The following NELL1 variants were observed in gnomAD, a reference collection of about 807,000 sequenced individuals.
NELL1 encodes neural EGFL like 1.
In NELL1, 76 loss-of-function variants were observed where a neutral mutation model predicts 107.4. That is an observed-to-expected ratio of 0.71 (90% CI 0.59 to 0.86). The LOEUF (loss-of-function observed/expected upper bound fraction) is 0.86, where lower values mean the gene tolerates loss of function less well. NELL1 is among the 40% of genes least tolerant of loss of function. The pLI, the probability that NELL1 is intolerant of heterozygous loss-of-function variation, is 0.00. For missense variants in NELL1, 1,024 were observed against 1,005.5 expected (o/e 1.02, Z -0.25); for synonymous variants, 353 against 341.2 (o/e 1.03, Z -0.38).
intron 12 of NELL1, among the ~76,000 whole-genome samples, chr11:21,067,468 G>A (rs940747846): frequency 6.6e-6 from 1 of 152,094 alleles, no homozygotes; most frequent in African/African-American, 2.4e-5. Flanking sequence ...CTCTTCCGAG[G>A]CCTGTATGCT....
At chr11:21,046,197 T>G (rs2134339956) in intron 12 of NELL1, among the ~76,000 whole-genome samples, 1 of 152,272 alleles carries the variant, frequency 6.6e-6, no homozygotes, top group South Asian at 2.1e-4. Context: ...TTTAAATTAT[T>G]TTTGAGATAA....
intron 15 of NELL1, among the ~76,000 whole-genome samples, chr11:21,481,668 G>C (rs1464707760): frequency 1.3e-5 from 2 of 152,168 alleles, no homozygotes; most frequent in East Asian, 1.9e-4. Context: ...CTGATGGCTG[G>C]ACATTGTTGA....
chr11:20,929,425 T>C (rs1312683503), intron 9 of NELL1, among the ~76,000 whole-genome samples: 1 of 151,234 alleles, frequency 6.6e-6, no homozygotes, highest in Non-Finnish European at 1.5e-5. Context: ...AAAAGGAACT[T>C]TGTAATCTTC....
chr11:21,272,648 C>T (rs1293235960), intron 14 of NELL1, among the ~76,000 whole-genome samples: 1 of 152,214 alleles, frequency 6.6e-6, no homozygotes, highest in Non-Finnish European at 1.5e-5. Context: ...CTGGGAGGCA[C>T]CCCCAAGTAG....
intron 12 of NELL1, among the ~76,000 whole-genome samples, chr11:20,966,847 T>C (rs1851396573): frequency 7.2e-6 from 1 of 138,598 alleles, no homozygotes; most frequent in Non-Finnish European, 1.6e-5. Context: ...TGCCGCCCCC[T>C]GCCCCGACAC....
intron 12 of NELL1, among the ~76,000 whole-genome samples, chr11:21,101,988 G>A (rs189317601): frequency 0.015 from 2,253 of 152,204 alleles, 49 homozygotes; most frequent in Non-Finnish European, 0.021. Context: ...GAGTGGCTGG[G>A]ATTACAGGTG....
intron 12 of NELL1, among the ~76,000 whole-genome samples, chr11:20,998,130 A>G (rs1383956938): frequency 1.3e-5 from 2 of 152,214 alleles, no homozygotes; most frequent in African/African-American, 4.8e-5. Context: ...GATTTTTAGA[A>G]TATTTTAAAA....
rs866063671 is a variant in NELL1 at position 21,119,395 on chromosome 11, A to T, written c.1426+5681A>T. On this transcript the variant is annotated intron_variant, in intron 13 of 19. Coordinates refer to ENST00000357134, the MANE Select transcript of NELL1 (RefSeq NM_006157.5). ...TTTCTTGCTAAAAATTGAAAAAAAAAAAAAAAGGATTATATATATGGGATA... is the reference window on the plus strand; with the variant it reads ...TTTCTTGCTAAAAATTGAAAAAAAATAAAAAAGGATTATATATATGGGATA... Among the ~76,000 whole-genome samples, 14 of 151,820 alleles carry T rather than the reference A, an allele frequency of 9.2e-5. 1 individual carries two copies. The highest frequency in any genetic ancestry group is 3.9e-4 in the Admixed American group (6 of 15,202).
At chr11:21,277,326 A>C (rs1009121721) in intron 14 of NELL1, among the ~76,000 whole-genome samples, 13 of 152,260 alleles carry the variant, frequency 8.5e-5, no homozygotes, top group African/African-American at 3.1e-4. Flanking sequence ...CATCAGAGAA[A>C]TGCAAATCAA....
At chr11:20,743,265 A>T (rs1855932636) in intron 2 of NELL1, among the ~76,000 whole-genome samples, 1 of 152,024 alleles carries the variant, frequency 6.6e-6, no homozygotes, top group Non-Finnish European at 1.5e-5. Context: ...GAGGTGGGAC[A>T]ATCCTTGAAC....
chr11:21,086,828 C>CTTTTT (rs35537964), intron 12 of NELL1, among the ~76,000 whole-genome samples: 28 of 112,946 alleles, frequency 2.5e-4, no homozygotes, highest in African/African-American at 8.2e-4. Context: ...CTTAATGGAT[C>CTTTTT]TTTTTTTTTT....
chr11:20,959,615 T>A (rs1049406781), intron 11 of NELL1, among the ~76,000 whole-genome samples: 1 of 152,128 alleles, frequency 6.6e-6, no homozygotes, highest in Non-Finnish European at 1.5e-5. Flanking sequence ...GGAGTTAGGC[T>A]ATGAGGATGC....
chr11:21,106,349 T>C (rs918693970), intron 12 of NELL1, among the ~76,000 whole-genome samples: 6 of 152,140 alleles, frequency 3.9e-5, no homozygotes, highest in African/African-American at 1.4e-4. Flanking sequence ...ATGCACCTCA[T>C]AGAGTGTGAA....
rs574262986 is a variant in NELL1, at chr11:20,708,294, G to T, written c.184+30234G>T. ...AATTCCCCGATCCCTTGCACTTCCC[G>T]GGTGAGGCGATGCCCCGCCCTGCTT... On this transcript the variant is annotated intron_variant, in intron 2 of 19. Coordinates refer to ENST00000357134, the MANE Select transcript of NELL1 (RefSeq NM_006157.5). Among the ~76,000 whole-genome samples, 7 of 152,310 alleles carry T rather than the reference G, an allele frequency of 4.6e-5. No individual in the cohort carries two copies. The East Asian group carries it at 1.2e-3, about 25-fold the overall frequency.
intron 5 of NELL1, among the ~76,000 whole-genome samples, chr11:20,911,579 C>T (rs1436544955): frequency 1.3e-5 from 2 of 152,188 alleles, no homozygotes; most frequent in African/African-American, 4.8e-5. Context: ...ACATGTGGTA[C>T]ACCAAGTACC....
rs1554905724 is a variant in NELL1, at chr11:21,404,016, C to CG, written c.1645+33069dup. ...TCTGTCATTCCTGAACCCCCCCCCC[C>CG]GCAATCAAAACCACTGGATATTCCC... On this transcript the variant is annotated intron_variant, in intron 15 of 19. Transcript: ENST00000357134. Among the ~76,000 whole-genome samples the CG allele has an allele frequency of 1.1e-4, 13 of 116,348 alleles. No homozygotes were observed. The South Asian group carries it at 3.2e-3, about 29-fold the overall frequency. 76.3% of individuals were successfully genotyped at this position (116,348 alleles called of 152,430 possible). A position where few individuals can be genotyped will look rare whatever the true frequency, so the allele number is the denominator to read the frequency against.
At chr11:21,562,803 AG>A (rs76100668) in intron 17 of NELL1, among the ~76,000 whole-genome samples, 53,359 of 151,842 alleles carry the variant, frequency 0.35, 9,537 homozygotes, top group Middle Eastern at 0.4. Context: ...AACCAACAAA[AG>A]GTCAAGACTT....
At chr11:21,490,605 T>C (rs1444289367) in intron 15 of NELL1, among the ~76,000 whole-genome samples, 1 of 151,760 alleles carries the variant, frequency 6.6e-6, no homozygotes, top group Non-Finnish European at 1.5e-5. Context: ...CACAGACACA[T>C]AGGACAATGG....
At chr11:21,571,559 G>A (rs1353495028) in intron 18 of NELL1, among the ~76,000 whole-genome samples, 1 of 151,854 alleles carries the variant, frequency 6.6e-6, no homozygotes, top group Non-Finnish European at 1.5e-5. Context: ...AAGGTACTTA[G>A]TGTATGGTAG....
Sources: gnomAD v4.1 joint callset for allele counts (sites outside exome capture counted in the v4.1 genomes callset) on GRCh38, gnomAD v4.1.1 for gene constraint, MANE v1.5 for transcripts, NCBI Gene and HGNC (gene_info 2026-07-23, HGNC 2026-07-21) for gene names.